Variants in FA2H observed in about 807,000 individuals in gnomAD.
FA2H encodes fatty acid 2-hydroxylase, also known as fatty acid alpha-hydroxylase.
FA2H carries 22 observed loss-of-function variants against 44.9 expected under a neutral mutation model. That is an observed-to-expected ratio of 0.49 (90% confidence interval 0.35 to 0.70). FA2H has a LOEUF of 0.70. FA2H is among the 30% of genes least tolerant of loss of function. FA2H has a pLI of 0.01. For synonymous variants in FA2H, 243 were observed against 213.2 expected, an observed-to-expected ratio of 1.14 and a Z score of -1.22; for missense variants, 501 against 504.9, an observed-to-expected ratio of 0.99 and a Z score of 0.07.
intron 2 of FA2H, among the ~76,000 whole-genome samples, chr16:74,733,744 T>A (rs930501353): frequency 2.0e-5 from 3 of 152,188 alleles, no homozygotes; most frequent in African/African-American, 7.2e-5. Flanking sequence ...ACATTTCGCT[T>A]CCTGCTCTAC....
chr16:74,769,961 GT>G (rs1417544898), intron 1 of FA2H, among the ~76,000 whole-genome samples: 1 of 152,246 alleles, frequency 6.6e-6, no homozygotes, highest in Non-Finnish European at 1.5e-5. Flanking sequence ...CTTCGTGTGA[GT>G]GTGAATGTGT....
rs567603101 is a variant in FA2H at position 74,716,006 on chromosome 16, G to A, written c.1039+341C>T. On this transcript the variant is annotated intron_variant, in intron 6 of 6. Transcript: ENST00000219368. ...AATTTTTGTATTTCTAGTGGAGACA[G>A]GTTTCACCATGTTGGCCAGGCTGGT... 3.9e-5 allele frequency among the ~76,000 whole-genome samples: 6 copies of A among 152,158 alleles called. No individual in the cohort carries two copies. In the South Asian group the frequency reaches 1.2e-3, roughly 32 times the overall value.
Position 74,714,180 on chromosome 16 carries a change from G to A in FA2H, c.*10C>T. The A allele has an allele frequency of 6.5e-7, 1 of 1,543,318 alleles. No individual in the cohort carries two copies. Among genetic ancestry groups the A allele is most frequent in the South Asian group, 1.2e-5 (1 of 84,088 alleles). On this transcript the variant is annotated 3_prime_UTR_variant, in exon 7 of 7. Transcript: ENST00000219368. Reference sequence around the variant, plus strand: ...CCGGGCTGAGGGCAGGACGGAGGGGGTGGGAGTTGTCACTGCGTCTTCAGG... The same window carrying A: ...CCGGGCTGAGGGCAGGACGGAGGGGATGGGAGTTGTCACTGCGTCTTCAGG...
At chr16:74,727,512 C>T (rs1567637659) in intron 2 of FA2H, 126 bp from the exon 3 acceptor site, 2 of 1,000,188 alleles carry the variant, frequency 2.0e-6, no homozygotes, top group Non-Finnish European at 3.1e-6. Context: ...TGTGGGGCCA[C>T]CCACCCTCCT....
chr16:74,723,851 G>A (rs1000870680), intron 4 of FA2H, among the ~76,000 whole-genome samples: 1 of 152,026 alleles, frequency 6.6e-6, no homozygotes, highest in Admixed American at 6.6e-5. Flanking sequence ...AGGTAACAGA[G>A]TATCTGATTA....
rs1962979807 is a variant in FA2H at position 74,774,799 on chromosome 16, T to C, written c.-44A>G. On this transcript the variant is annotated 5_prime_UTR_variant, in exon 1 of 7. Transcript: ENST00000219368. Reference sequence around the variant, plus strand: ...CCAGCGCGCAGCCCGGCGTCTGCTCTGCTGCCACCCTGAGCGCCTCTAACA... The same window carrying C: ...CCAGCGCGCAGCCCGGCGTCTGCTCCGCTGCCACCCTGAGCGCCTCTAACA... The C allele has an allele frequency of 3.9e-6, 5 of 1,269,396 alleles. No homozygotes were observed. Among genetic ancestry groups the C allele is most frequent in the Non-Finnish European group, 3.0e-6 (3 of 1,013,004 alleles). The allele number at this position is 1,269,396 out of a possible 1,614,324, so 78.6% of individuals were successfully genotyped here. A position where few individuals can be genotyped will look rare whatever the true frequency, so the allele number is the denominator to read the frequency against.
At chr16:74,757,317 A>G (rs976501213) in intron 1 of FA2H, among the ~76,000 whole-genome samples, 1 of 152,226 alleles carries the variant, frequency 6.6e-6, no homozygotes, top group African/African-American at 2.4e-5. Context: ...ATCCATTGAC[A>G]ATGATTGAAA....
chr16:74,761,934 A>T (rs920288099), intron 1 of FA2H, among the ~76,000 whole-genome samples: 5 of 152,244 alleles, frequency 3.3e-5, no homozygotes, highest in Non-Finnish European at 5.9e-5. Flanking sequence ...AGACCTGTTA[A>T]AGGATGAAGA....
At chr16:74,722,309 G>C (rs1168310091) in intron 4 of FA2H, among the ~76,000 whole-genome samples, 2 of 152,202 alleles carry the variant, frequency 1.3e-5, no homozygotes, top group African/African-American at 4.8e-5. Flanking sequence ...GCTGAGGTGG[G>C]AGGATCGTTT....
chr16:74,744,108 G>GC (rs933366735), intron 1 of FA2H, among the ~76,000 whole-genome samples: 60 of 151,878 alleles, frequency 4.0e-4, no homozygotes, highest in Non-Finnish European at 7.1e-4. Context: ...CAGCTGTGCC[G>GC]CACGCATGCC....
At chr16:74,720,666 C>T (rs550890034) in intron 4 of FA2H, among the ~76,000 whole-genome samples, 2 of 152,216 alleles carry the variant, frequency 1.3e-5, no homozygotes, top group East Asian at 3.9e-4. Flanking sequence ...TAAACCGTCA[C>T]CCCAGTCAAT....
chr16:74,771,325 G>C (rs1461691679), intron 1 of FA2H, among the ~76,000 whole-genome samples: 1 of 151,954 alleles, frequency 6.6e-6, no homozygotes, highest in Non-Finnish European at 1.5e-5. Flanking sequence ...CGAGCAGCTG[G>C]GATTACAGGC....
chr16:74,718,583 G>A lies in FA2H; in HGVS notation c.786+405C>T, dbSNP rs548103173. 3.3e-5 allele frequency among the ~76,000 whole-genome samples: 5 copies of A among 152,292 alleles called. No homozygotes were observed. The South Asian group carries it at 8.3e-4, about 25-fold the overall frequency. ...GCCTCAGTCTCCTGCTCTGTGGAAC[G>A]GGGAGAACCATGGGGCTGTTTTCAG... is the stretch of plus-strand genomic sequence containing the variant. On this transcript the variant is annotated intron_variant, in intron 5 of 6. Transcript: ENST00000219368.
intron 2 of FA2H, among the ~76,000 whole-genome samples, chr16:74,737,874 C>T (rs1962212696): frequency 6.6e-6 from 1 of 152,208 alleles, no homozygotes; most frequent in South Asian, 2.1e-4. Context: ...GGGTCAGCAA[C>T]AGAGAGAGGG....
At chr16:74,761,926 A>G (rs769222191) in intron 1 of FA2H, among the ~76,000 whole-genome samples, 7 of 152,206 alleles carry the variant, frequency 4.6e-5, no homozygotes, top group African/African-American at 1.2e-4. Flanking sequence ...AAAGAGATAG[A>G]CCTGTTAAAG....
chr16:74,733,430 G>A (rs1415348621), intron 2 of FA2H, among the ~76,000 whole-genome samples: 1 of 152,142 alleles, frequency 6.6e-6, no homozygotes, highest in African/African-American at 2.4e-5. Context: ...GGCCTGAAGT[G>A]GAAGCCTCCC....
chr16:74,734,799 C>T (rs1039927511), intron 2 of FA2H, among the ~76,000 whole-genome samples: 6 of 152,166 alleles, frequency 3.9e-5, no homozygotes, highest in Admixed American at 3.3e-4. Context: ...ATGTGGTGAG[C>T]GGGGGCAGGC....
chr16:74,724,201 C>T (rs1033721739), intron 4 of FA2H, among the ~76,000 whole-genome samples: 1 of 152,140 alleles, frequency 6.6e-6, no homozygotes, highest in Admixed American at 6.5e-5. Context: ...CGTGCCTGGC[C>T]TTAGCTCTCT....
Position 74,774,791 on chromosome 16 carries a change from G to T in FA2H, c.-36C>A. 3.1e-6 allele frequency: 4 copies of T among 1,274,940 alleles called. No individual in the cohort carries two copies. Among genetic ancestry groups the T allele is most frequent in the Non-Finnish European group, 3.9e-6 (4 of 1,016,618 alleles). The allele number at this position is 1,274,940 out of a possible 1,614,324, so 79.0% of individuals were successfully genotyped here. On this transcript the variant is annotated 5_prime_UTR_variant, in exon 1 of 7. Coordinates refer to ENST00000219368, the MANE Select transcript of FA2H (RefSeq NM_024306.5). ...CGCAGCTCCCAGCGCGCAGCCCGGC[G>T]TCTGCTCTGCTGCCACCCTGAGCGC...
Sources: gnomAD v4.1 joint callset for allele counts (sites outside exome capture counted in the v4.1 genomes callset) on GRCh38, gnomAD v4.1.1 for gene constraint, MANE v1.5 for transcripts, NCBI Gene and HGNC (gene_info 2026-07-23, HGNC 2026-07-21) for gene names.